Variants in ST8SIA5 observed in about 807,000 individuals in gnomAD.
ST8SIA5 encodes alpha-2,8-sialyltransferase 8E.
In ST8SIA5, 24 loss-of-function variants were observed where a neutral mutation model predicts 40.2. The observed-to-expected ratio is 0.60, with a 90% CI of 0.43 to 0.84. ST8SIA5 has a LOEUF of 0.84. Among genes scored for constraint, ST8SIA5 ranks in the 40% least tolerant of loss-of-function variants. ST8SIA5 has a pLI of 0.00. For missense variants in ST8SIA5, 465 were observed against 498.5 expected (o/e 0.93, Z 0.64); for synonymous variants, 198 against 201.8 (o/e 0.98, Z 0.16).
intron 6 of ST8SIA5, among the ~76,000 whole-genome samples, chr18:46,681,209 C>T (rs796597702): frequency 6.6e-5 from 10 of 152,120 alleles, no homozygotes; most frequent in African/African-American, 2.2e-4. Flanking sequence ...AACTCCTGGC[C>T]GCAAGCCACA....
At chr18:46,700,862 G>A (rs2039606335) in intron 2 of ST8SIA5, among the ~76,000 whole-genome samples, 1 of 152,186 alleles carries the variant, frequency 6.6e-6, no homozygotes, top group African/African-American at 2.4e-5. Flanking sequence ...ATCGATGGAA[G>A]GTGACTGTCT....
chr18:46,701,112 C>T (rs551140671), intron 2 of ST8SIA5, among the ~76,000 whole-genome samples: 4 of 139,178 alleles, frequency 2.9e-5, no homozygotes, highest in East Asian at 4.3e-4. Flanking sequence ...ATAATGAAAC[C>T]GTATTTGGAG....
chr18:46,691,705 G>A (rs17778494), intron 3 of ST8SIA5: 41,287 of 160,786 alleles, frequency 0.26, 6,244 homozygotes, highest in Middle Eastern at 0.43. Flanking sequence ...CTGCAGCAGG[G>A]CTCAAATGTC....
intron 1 of ST8SIA5, among the ~76,000 whole-genome samples, chr18:46,706,083 T>G (rs1489396523): frequency 6.6e-6 from 1 of 152,070 alleles, no homozygotes; most frequent in Admixed American, 6.5e-5. Context: ...ACTGTGATAC[T>G]TTAAAAGTTA....
At chr18:46,716,521 G>T (rs2039793475) in intron 1 of ST8SIA5, among the ~76,000 whole-genome samples, 2 of 152,222 alleles carry the variant, frequency 1.3e-5, no homozygotes, top group Admixed American at 1.3e-4. Flanking sequence ...TGTCTCCTGA[G>T]TTGCCTTCCA....
intron 1 of ST8SIA5, among the ~76,000 whole-genome samples, chr18:46,737,711 T>C (rs1004440164): frequency 6.6e-6 from 1 of 152,196 alleles, no homozygotes; most frequent in South Asian, 2.1e-4. Context: ...GAAATAATCT[T>C]CATTTAGGAT....
chr18:46,755,073 C>G (rs1260261942), intron 1 of ST8SIA5, among the ~76,000 whole-genome samples: 2 of 152,204 alleles, frequency 1.3e-5, no homozygotes, highest in African/African-American at 4.8e-5. Context: ...GGGAACGCTC[C>G]CTGGGAAGGT....
intron 1 of ST8SIA5, among the ~76,000 whole-genome samples, chr18:46,720,221 A>G (rs990184853): frequency 3.9e-5 from 6 of 152,094 alleles, no homozygotes; most frequent in Admixed American, 1.3e-4. Flanking sequence ...TGACTTACCT[A>G]GACTGCTCAC....
chr18:46,692,284 G>A lies in ST8SIA5; in HGVS notation c.225-29C>T, dbSNP rs763689539. ...GGGAGTAGAGGACAGAAGAGTACAT[G>A]AGCAGGGTAGGCGGGACAGAGCGCG... On this transcript the variant is annotated intron_variant, in intron 2 of 6. Coordinates refer to ENST00000315087, the MANE Select transcript of ST8SIA5 (RefSeq NM_013305.6). 53 of 1,606,610 alleles carry A rather than the reference G, an allele frequency of 3.3e-5. 1 individual carries two copies. Among genetic ancestry groups the A allele is most frequent in the Non-Finnish European group, 4.4e-5 (52 of 1,173,192 alleles).
rs542147929 is a variant in ST8SIA5, at chr18:46,755,939, ACGAAAGTTCAGGACTCG to A, written c.131+422_131+438del. ...AATGCTTTTTCTCCCAAGGGTCCTT[ACGAAAGTTCAGGACTCG>A]CGAGGTTATAAACAAACAAACAAAC... On this transcript the variant is annotated intron_variant, in intron 1 of 6. Coordinates refer to ENST00000315087, the MANE Select transcript of ST8SIA5 (RefSeq NM_013305.6). Among the ~76,000 whole-genome samples, 527 of 152,282 alleles carry A rather than the reference ACGAAAGTTCAGGACTCG, an allele frequency of 3.5e-3. 2 individuals carry two copies. Among genetic ancestry groups the A allele is most frequent in the African/African-American group, 0.012 (517 of 41,560 alleles).
At chr18:46,710,285 C>CCT (rs1263463649) in intron 1 of ST8SIA5, among the ~76,000 whole-genome samples, 1 of 152,050 alleles carries the variant, frequency 6.6e-6, no homozygotes, top group Non-Finnish European at 1.5e-5. Context: ...CAGTTCTCTC[C>CCT]CTGCCCAGAC....
Position 46,737,387 on chromosome 18 carries a change from G to C in ST8SIA5, c.131+18991C>G, listed in dbSNP as rs769437588. Reference sequence around the variant, plus strand: ...GTTTGTCTCTTTAAGTGTTCTGTAAGTTTCTTAAGGACATGAATCATACCA... The same window carrying C: ...GTTTGTCTCTTTAAGTGTTCTGTAACTTTCTTAAGGACATGAATCATACCA... On this transcript the variant is annotated intron_variant, in intron 1 of 6. Coordinates refer to ENST00000315087, the MANE Select transcript of ST8SIA5 (RefSeq NM_013305.6). Among the ~76,000 whole-genome samples the C allele has an allele frequency of 2.0e-5, 3 of 152,144 alleles. No individual in the cohort carries two copies. The South Asian group carries it at 6.2e-4, about 32-fold the overall frequency.
At chr18:46,756,324 C>T (rs1387588429) in intron 1 of ST8SIA5, 54 bp downstream of exon 1, 2 of 1,599,438 alleles carry the variant, frequency 1.3e-6, no homozygotes, top group Non-Finnish European at 1.7e-6. Context: ...CACTGCCACC[C>T]GGGGGCTCGC....
intron 1 of ST8SIA5, among the ~76,000 whole-genome samples, chr18:46,734,189 A>G (rs1026327535): frequency 3.9e-5 from 6 of 152,164 alleles, no homozygotes; most frequent in Non-Finnish European, 7.4e-5. Flanking sequence ...TTGCCTGTCC[A>G]TGCTCCTGAC....
intron 1 of ST8SIA5, among the ~76,000 whole-genome samples, chr18:46,727,770 T>C (rs1285398516): frequency 6.6e-6 from 1 of 152,172 alleles, no homozygotes; most frequent in Non-Finnish European, 1.5e-5. Flanking sequence ...TCAGGGCCCA[T>C]GTTTCTTCCT....
intron 4 of ST8SIA5, among the ~76,000 whole-genome samples, chr18:46,687,772 A>G (rs1478342077): frequency 6.6e-6 from 1 of 152,142 alleles, no homozygotes; most frequent in African/African-American, 2.4e-5. Context: ...AGGCCTTCAG[A>G]TTTCTTCCAA....
At chr18:46,711,582 C>G (rs903706203) in intron 1 of ST8SIA5, among the ~76,000 whole-genome samples, 2 of 152,162 alleles carry the variant, frequency 1.3e-5, no homozygotes, top group South Asian at 4.1e-4. Context: ...TCAGTGAGCT[C>G]AGCGCTATTT....
intron 1 of ST8SIA5, among the ~76,000 whole-genome samples, chr18:46,709,713 A>G (rs900232915): frequency 3.9e-5 from 6 of 152,248 alleles, no homozygotes; most frequent in African/African-American, 1.4e-4. Flanking sequence ...AAAGAATTAT[A>G]TATACGTATG....
At chr18:46,746,333 A>C (rs144083322) in intron 1 of ST8SIA5, among the ~76,000 whole-genome samples, 103,925 of 151,516 alleles carry the variant, frequency 0.69, 36,191 homozygotes, top group Middle Eastern at 0.78. Flanking sequence ...ATCTCAGCCC[A>C]AAATCTCCTT....
Sources: allele counts gnomAD v4.1 joint callset (sites outside exome capture counted in the v4.1 genomes callset), GRCh38; gene constraint gnomAD v4.1.1; transcripts MANE v1.5; gene names NCBI Gene and HGNC (gene_info 2026-07-23, HGNC 2026-07-21).